The following CNTLN variants were observed in gnomAD, a reference collection of about 807,000 sequenced individuals.
CNTLN encodes centlein.
In CNTLN, 212 loss-of-function variants were observed where a neutral mutation model predicts 180.0. The observed-to-expected ratio is 1.18, with a 90% CI of 1.05 to 1.32. The LOEUF is 1.32. CNTLN is among the 40% of genes most tolerant of loss of function. CNTLN has a pLI of 0.00. For missense variants in CNTLN, 2,095 were observed against 1,610.9 expected (o/e 1.30, Z -5.14); for synonymous variants, 722 against 563.1 (o/e 1.28, Z -3.99).
chr9:17,226,833 A>G (rs563883879), intron 3 of CNTLN, among the ~76,000 whole-genome samples: 2 of 152,090 alleles, frequency 1.3e-5, no homozygotes, highest in South Asian at 4.1e-4. Flanking sequence ...TCAGAAGGCA[A>G]AGCATGTGAC....
chr9:17,275,019 T>C (rs938366338), intron 6 of CNTLN, among the ~76,000 whole-genome samples: 4 of 152,110 alleles, frequency 2.6e-5, no homozygotes, highest in Non-Finnish European at 4.4e-5. Flanking sequence ...TTATAGATGA[T>C]AGACTGGTTA....
chr9:17,309,116 G>A lies in CNTLN; in HGVS notation c.1205G>A (p.Arg402Gln), dbSNP rs751833045. The A allele has an allele frequency of 5.0e-6, 8 of 1,607,178 alleles. No individual in the cohort carries two copies. Among genetic ancestry groups the A allele is most frequent in the East Asian group, 2.2e-5 (1 of 44,726 alleles). Residue 402 changes from arginine to glutamine, a missense_variant, in exon 8 of 26, where the codon CGG (arginine) becomes CAG (glutamine). Arg to Gln is a conservative substitution (Grantham distance 43, BLOSUM62 1). Transcript: ENST00000380647. ...ACAAAATCAAATGAAGCTATGCTCCGGCAAAGTGTTACTAATCTTCAGGAT... is the reference window on the plus strand; with the variant it reads ...ACAAAATCAAATGAAGCTATGCTCCAGCAAAGTGTTACTAATCTTCAGGAT... ...ETTKSNEAML[R>Q]QSVTNLQDQL... is the part of the protein sequence containing the mutation.
At chr9:17,386,834 TTCAC>T (rs766650136) in intron 13 of CNTLN, among the ~76,000 whole-genome samples, 28 of 152,342 alleles carry the variant, frequency 1.8e-4, no homozygotes, top group Non-Finnish European at 3.7e-4. Context: ...GATGAAATAT[TTCAC>T]TCAGAAGTAT....
chr9:17,495,744 C>G (rs1413871181), intron 25 of CNTLN, among the ~76,000 whole-genome samples: 2 of 152,202 alleles, frequency 1.3e-5, no homozygotes, highest in African/African-American at 4.8e-5. Context: ...CGCTCACTCA[C>G]TGACTCGCCC....
At chr9:17,353,950 G>T (rs944933475) in intron 12 of CNTLN, among the ~76,000 whole-genome samples, 6 of 152,152 alleles carry the variant, frequency 3.9e-5, no homozygotes, top group South Asian at 2.1e-4. Flanking sequence ...AGGCGTGAGC[G>T]GGAACCCGGG....
chr9:17,237,835 A>G (rs1825252223), intron 5 of CNTLN, among the ~76,000 whole-genome samples: 1 of 152,160 alleles, frequency 6.6e-6, no homozygotes, highest in Non-Finnish European at 1.5e-5. Flanking sequence ...GTTGCAGATT[A>G]TTTATGGAAA....
At chr9:17,251,650 AGT>A (rs1486511140) in intron 5 of CNTLN, among the ~76,000 whole-genome samples, 1 of 151,110 alleles carries the variant, frequency 6.6e-6, no homozygotes, top group African/African-American at 2.4e-5. Context: ...GCTATATGTG[AGT>A]GTTTGTTACA....
rs190418972 is a variant in CNTLN, at chr9:17,490,877, A to G, written c.4119+3811A>G. 1.1e-3 allele frequency among the ~76,000 whole-genome samples: 170 copies of G among 152,246 alleles called. 2 individuals carry two copies. The East Asian group carries it at 0.024, about 21-fold the overall frequency. On this transcript the variant is annotated intron_variant, in intron 25 of 25. Coordinates refer to ENST00000380647, the MANE Select transcript of CNTLN (RefSeq NM_017738.4). The stretch of plus-strand genomic sequence containing the variant: ...AATAGCAGAGATTTCTTTAAATGCA[A>G]TTGAACTTGAATTCTGTCTAGTGGC...
At chr9:17,348,663 T>C (rs112659382) in intron 12 of CNTLN, among the ~76,000 whole-genome samples, 5,326 of 152,030 alleles carry the variant, frequency 0.035, 238 homozygotes, top group African/African-American at 0.1. Context: ...CCCTAGTAGC[T>C]GGGATTATAG....
chr9:17,486,498 T>G (rs1395608035), intron 24 of CNTLN, among the ~76,000 whole-genome samples: 1 of 152,134 alleles, frequency 6.6e-6, no homozygotes, highest in Admixed American at 6.6e-5. Flanking sequence ...CCCTGGCCTA[T>G]CAGTAGATTA....
chr9:17,297,075 G>T (rs1818001425), intron 6 of CNTLN, among the ~76,000 whole-genome samples: 1 of 152,132 alleles, frequency 6.6e-6, no homozygotes, highest in Admixed American at 6.5e-5. Context: ...CATATCCACG[G>T]ATTCAACCAA....
At chr9:17,519,342 T>C in the CNTLN span, among the ~76,000 whole-genome samples, 1 of 152,130 alleles carries the variant, frequency 6.6e-6, no homozygotes, top group East Asian at 1.9e-4. Context: ...AACTGTTCTT[T>C]TCTCCTTACT....
chr9:17,260,753 C>A (rs1290683050), intron 5 of CNTLN, among the ~76,000 whole-genome samples: 2 of 151,350 alleles, frequency 1.3e-5, no homozygotes, highest in Non-Finnish European at 1.5e-5. Context: ...ATCATAAAAT[C>A]TTTGCCAGTT....
intron 10 of CNTLN, among the ~76,000 whole-genome samples, chr9:17,336,493 C>T (rs939356420): frequency 6.6e-6 from 1 of 152,150 alleles, no homozygotes. Flanking sequence ...TTGACAGCAG[C>T]GTCCCCAAAC....
chr9:17,151,231 C>T (rs369759252), intron 2 of CNTLN, among the ~76,000 whole-genome samples: 3 of 152,040 alleles, frequency 2.0e-5, no homozygotes, highest in Non-Finnish European at 4.4e-5. Flanking sequence ...TGCTGGTTTT[C>T]GAAGGGAATG....
At chr9:17,413,952 A>T (rs945163722) in intron 16 of CNTLN, among the ~76,000 whole-genome samples, 2 of 152,222 alleles carry the variant, frequency 1.3e-5, no homozygotes, top group Non-Finnish European at 2.9e-5. Flanking sequence ...AAAACTGGGA[A>T]CAACCAAAAT....
At chr9:17,366,242 C>T (rs1293409468) in intron 12 of CNTLN, among the ~76,000 whole-genome samples, 1 of 152,096 alleles carries the variant, frequency 6.6e-6, no homozygotes, top group Non-Finnish European at 1.5e-5. Context: ...CCTGCTGCCT[C>T]AGCATCCCAA....
At chr9:17,500,698 A>G (rs1026818255) in intron 25 of CNTLN, among the ~76,000 whole-genome samples, 3 of 152,208 alleles carry the variant, frequency 2.0e-5, no homozygotes, top group African/African-American at 7.2e-5. Flanking sequence ...AATTTTAGAA[A>G]ATGAAACACT....
intron 13 of CNTLN, among the ~76,000 whole-genome samples, chr9:17,377,641 T>C (rs1233011431): frequency 6.6e-6 from 1 of 152,220 alleles, no homozygotes; most frequent in African/African-American, 2.4e-5. Flanking sequence ...CCTAGATGTT[T>C]GAGAATATGA....
Sources: allele counts gnomAD v4.1 joint callset (sites outside exome capture counted in the v4.1 genomes callset), GRCh38; gene constraint gnomAD v4.1.1; transcripts MANE v1.5; gene names NCBI Gene and HGNC (gene_info 2026-07-23, HGNC 2026-07-21).